SIPA1: variants seen among roughly 807,000 people sequenced by gnomAD.
The protein encoded by SIPA1 is signal-induced proliferation-associated protein 1.
A neutral mutation model predicts 88.1 loss-of-function variants in SIPA1; 51 were observed. That is an observed-to-expected ratio of 0.58 (90% confidence interval 0.46 to 0.73). The LOEUF is 0.73. SIPA1 is among the 30% of genes least tolerant of loss of function. The pLI is 0.00. For missense variants in SIPA1, 1,348 were observed against 1,467.6 expected, an observed-to-expected ratio of 0.92 and a Z score of 1.33; for synonymous variants, 681 against 664.8, an observed-to-expected ratio of 1.02 and a Z score of -0.37.
At position 65,638,146 on chromosome 11, in the gene SIPA1, C is replaced by T. The variant is rs1401835507; in HGVS notation, c.-128C>T. ...TAGCGGGAGAGCGGCAGCGGGACCC[C>T]AGCGCGGGCGGCGGCGGCTGGGCGG... On this transcript the variant is annotated 5_prime_UTR_variant, in exon 1 of 16. Transcript: ENST00000534313. 1 of 152,516 alleles carries T rather than the reference C, an allele frequency of 6.6e-6. No individual in the cohort carries two copies. The highest frequency in any genetic ancestry group is 2.4e-5 in the African/African-American group (1 of 41,562). The allele number at this position is 152,516 out of a possible 1,614,324, so 9.4% of individuals were successfully genotyped here.
Position 65,647,640 on chromosome 11 carries a change from A to G in SIPA1, c.2288A>G (p.Glu763Gly). The G allele has an allele frequency of 7.2e-7, 1 of 1,383,898 alleles. No homozygotes were observed. Among genetic ancestry groups the G allele is most frequent in the Non-Finnish European group, 9.3e-7 (1 of 1,071,542 alleles). 85.7% of individuals were successfully genotyped at this position (1,383,898 alleles called of 1,614,324 possible). Residue 763 changes from glutamate (E) to glycine (G), a missense_variant, in exon 9 of 16, where the codon GAG (glutamate) becomes GGG (glycine). Physicochemically the swap from Glu to Gly is moderately conservative, Grantham distance 98 (BLOSUM62 -2). This residue lies in a region of SIPA1 where 615 missense variants were observed against 559.8 expected (regional missense o/e 1.10). Coordinates refer to ENST00000534313, the MANE Select transcript of SIPA1 (RefSeq NM_006747.4). ...TGCGTCACCGTCCTGCCCCCCGACG[A>G]GAGCGGCCGGCCCCGCAGGTCAGGG... The part of the protein sequence containing the change: ...KVCVTVLPPD[E>G]SGRPRRSFSE...
In SIPA1 at chr11:65,646,544, C is replaced by T. The variant is rs533075532; in HGVS notation, c.1510C>T (p.Arg504Trp). The T allele has an allele frequency of 4.5e-6, 7 of 1,556,598 alleles. No individual in the cohort carries two copies. In the Admixed American group the frequency reaches 9.2e-5, roughly 21 times the overall value. The change falls in exon 8 of 16, where the codon CGG (arginine) becomes TGG (tryptophan). Residue 504 changes from arginine to tryptophan, a missense_variant. Physicochemically the swap from Arg to Trp is moderately radical, Grantham distance 101. Transcript: ENST00000534313. The surrounding 1 kb of genome is among the most constrained non-coding windows in gnomAD (Gnocchi z 7.5). The stretch of plus-strand genomic sequence containing the variant: ...CCCCTTCGCAGCCAACGCCGACTTC[C>T]GGGCCTTCCTGCTGGCCAAAGCGCT... ...GGPFAANADF[R>W]AFLLAKALNG...
intron 9 of SIPA1, among the ~76,000 whole-genome samples, 168 bp downstream of exon 9, chr11:65,647,826 C>G (rs1856163942): frequency 7.1e-6 from 1 of 140,266 alleles, no homozygotes; most frequent in Non-Finnish European, 1.5e-5. Flanking sequence ...CTTCCTGTCT[C>G]TGTCTCTCTC....
Position 65,641,427 on chromosome 11 carries a change from T to C in SIPA1, c.506T>C (p.Leu169Pro). 1 of 1,612,624 alleles carries C rather than the reference T, an allele frequency of 6.2e-7. No homozygotes were observed. Among genetic ancestry groups the C allele is most frequent in the Non-Finnish European group, 8.5e-7 (1 of 1,179,928 alleles). Reference sequence around the variant, plus strand: ...GGGGCACCTGGCTTTGTGTGTGAGCTCGGGGGTGAGGGTGAGCTAGGCCTG... The same window carrying C: ...GGGGCACCTGGCTTTGTGTGTGAGCCCGGGGGTGAGGGTGAGCTAGGCCTG... ...LHGAPGFVCE[L>P]GGEGELGLGG... Residue 169 changes from leucine (L) to proline (P), a missense_variant, in exon 2 of 16, where the codon CTC becomes CCC. By Grantham distance (98) the Leu-to-Pro change is moderately conservative (BLOSUM62 -3). Around this residue, in one of 4 missense-constraint regions of SIPA1, gnomAD observed 641 missense variants for 797.7 expected, o/e 0.80. Transcript: ENST00000534313.
Position 65,646,475 on chromosome 11 carries a change from C to A in SIPA1, c.1441C>A (p.Gln481Lys). 2 of 1,584,124 alleles carry A rather than the reference C, an allele frequency of 1.3e-6. No individual in the cohort carries two copies. The highest frequency in any genetic ancestry group is 2.3e-5 in the East Asian group (1 of 43,916). The change falls in exon 8 of 16, where the codon CAG becomes AAG. Residue 481 changes from glutamine to lysine, a missense_variant. Physicochemically the swap from Gln to Lys is moderately conservative, Grantham distance 53 (BLOSUM62 1). Around this residue, in one of 4 missense-constraint regions of SIPA1, gnomAD observed 641 missense variants for 797.7 expected, o/e 0.80. Coordinates refer to ENST00000534313, the MANE Select transcript of SIPA1 (RefSeq NM_006747.4). This position sits in a 1 kb window ranked among gnomAD's most constrained non-coding sequence, Gnocchi z 7.5. ...CCGCAGGGTGGCCGTGAGCCGCACC[C>A]AGGACACCCCTGCCTTCGGGCCAGC... ...TTYRVAVSRT[Q>K]DTPAFGPALP... is the part of the protein sequence containing the mutation.
In SIPA1 at chr11:65,650,740, T is replaced by C. The variant is rs1406133272; in HGVS notation, c.*25T>C. 10 of 1,536,936 alleles carry C rather than the reference T, an allele frequency of 6.5e-6. No individual in the cohort carries two copies. The highest frequency in any genetic ancestry group is 2.4e-5 in the South Asian group (2 of 82,574). ...AGCCGTCTGGAACCACCTGGGCCCC[T>C]GAGGGCACTGTGGTCACACTGGGCC... On this transcript the variant is annotated 3_prime_UTR_variant, in exon 16 of 16. Coordinates refer to ENST00000534313, the MANE Select transcript of SIPA1 (RefSeq NM_006747.4).
Position 65,650,787 on chromosome 11 carries a change from G to A in SIPA1, c.*72G>A, listed in dbSNP as rs976572800. On this transcript the variant is annotated 3_prime_UTR_variant, in exon 16 of 16. Transcript: ENST00000534313. ...GGCCCTCCTCAGGAACTCTCCCTGC[G>A]CAGAGGCGTGTCTTAGCACTGCCCC... 29 of 1,433,564 alleles carry A rather than the reference G, an allele frequency of 2.0e-5. No homozygotes were observed. The highest frequency in any genetic ancestry group is 2.0e-4 in the Middle Eastern group (1 of 4,934). The allele number at this position is 1,433,564 out of a possible 1,614,324, so 88.8% of individuals were successfully genotyped here.
intron 5 of SIPA1, 52 bp downstream of exon 5, chr11:65,645,181 G>A (rs761115294): frequency 6.5e-7 from 1 of 1,538,256 alleles, no homozygotes; most frequent in Non-Finnish European, 8.9e-7. Flanking sequence ...GAAGGGGTGA[G>A]CACAAATTGC....
intron 8 of SIPA1, 32 bp downstream of exon 8, chr11:65,647,097 G>A: frequency 6.8e-6 from 10 of 1,465,120 alleles, no homozygotes; most frequent in Non-Finnish European, 9.0e-6. Context: ...GGGCCCCTGC[G>A]CGCGGCGGGG....
At chr11:65,644,623 C>A (rs1856071298) in intron 4 of SIPA1, among the ~76,000 whole-genome samples, 1 of 150,696 alleles carries the variant, frequency 6.6e-6, no homozygotes, top group African/African-American at 2.4e-5. Flanking sequence ...CCTGCAGGGG[C>A]TGGGGTGGGG....
rs201591213 is a variant in SIPA1 at position 65,649,591 on chromosome 11, C to T, written c.2556C>T (p.Pro852=). Residue 852 remains proline (P), a synonymous_variant, in exon 11 of 16, where the codon CCC becomes CCT. Transcript: ENST00000534313. ...SSLSDEAPVL[P]NTTPDLLLAT... Reference sequence around the variant, plus strand: ...TGTCGGATGAGGCCCCAGTCCTGCCCAACACCACCCCGGACCTCCTCCTGG... The same window carrying T: ...TGTCGGATGAGGCCCCAGTCCTGCCTAACACCACCCCGGACCTCCTCCTGG... 2.5e-6 allele frequency: 4 copies of T among 1,613,986 alleles called. No homozygotes were observed. Among genetic ancestry groups the T allele is most frequent in the Non-Finnish European group, 3.4e-6 (4 of 1,180,022 alleles).
At chr11:65,645,429 C>T (rs1856092463) in intron 5 of SIPA1, among the ~76,000 whole-genome samples, 1 of 152,080 alleles carries the variant, frequency 6.6e-6, no homozygotes, top group South Asian at 2.1e-4. Context: ...GGTGCCCCTA[C>T]CTCCCTGGTG....
Position 65,647,372 on chromosome 11 carries a change from C to T in SIPA1, c.2032-12C>T. 7.1e-7 allele frequency: 1 copy of T among 1,417,232 alleles called. No homozygotes were observed. The highest frequency in any genetic ancestry group is 9.1e-7 in the Non-Finnish European group (1 of 1,095,148). 87.8% of individuals were successfully genotyped at this position (1,417,232 alleles called of 1,614,324 possible). Reference sequence around the variant, plus strand: ...CCGGCAGCCCCGCCCACTCGTCCCGCCCCGTCCGCAGCTGGTGAGCCGTGG... The same window carrying T: ...CCGGCAGCCCCGCCCACTCGTCCCGTCCCGTCCGCAGCTGGTGAGCCGTGG... On this transcript the variant is annotated splice_polypyrimidine_tract_variant and intron_variant, in intron 8 of 15. Transcript: ENST00000534313.
chr11:65,640,489 T>C (rs1855979080), intron 1 of SIPA1, among the ~76,000 whole-genome samples: 1 of 152,202 alleles, frequency 6.6e-6, no homozygotes, highest in Non-Finnish European at 1.5e-5. Context: ...AAGTCATCTG[T>C]CCGGTTGGGC....
chr11:65,646,024 C>A lies in SIPA1; in HGVS notation c.1263+67C>A. The A allele has an allele frequency of 1.5e-6, 2 of 1,360,796 alleles. No individual in the cohort carries two copies. Among genetic ancestry groups the A allele is most frequent in the Non-Finnish European group, 2.1e-6 (2 of 972,624 alleles). 84.3% of individuals were successfully genotyped at this position (1,360,796 alleles called of 1,614,324 possible). A position where few individuals can be genotyped will look rare whatever the true frequency, so the allele number is the denominator to read the frequency against. ...ATGGAGGGCCCTGCATGGCCCATGA[C>A]GTTTGAGCTTTGGCCGGAGCTCTGT... On this transcript the variant is annotated intron_variant, in intron 6 of 15. Coordinates refer to ENST00000534313, the MANE Select transcript of SIPA1 (RefSeq NM_006747.4). The surrounding 1 kb of genome is among the most constrained non-coding windows in gnomAD (Gnocchi z 7.5).
At chr11:65,644,194 T>G (rs866725577) in intron 4 of SIPA1, among the ~76,000 whole-genome samples, 11 of 150,612 alleles carry the variant, frequency 7.3e-5, no homozygotes, top group Middle Eastern at 3.4e-3. Flanking sequence ...GGTAGGCCGG[T>G]CTGAATGGGA....
Position 65,648,552 on chromosome 11 carries a change from G to T in SIPA1, c.2307-710G>T, listed in dbSNP as rs529159717. On this transcript the variant is annotated intron_variant, in intron 9 of 15. Transcript: ENST00000534313. ...CCACTAGTTAAAAATGTAAAATCCGGACCGGGCGCGGTGGCTCATGCTTGT... is the reference window on the plus strand; with the variant it reads ...CCACTAGTTAAAAATGTAAAATCCGTACCGGGCGCGGTGGCTCATGCTTGT... 5.9e-5 allele frequency among the ~76,000 whole-genome samples: 9 copies of T among 152,136 alleles called. No homozygotes were observed. The South Asian group carries it at 1.9e-3, about 32-fold the overall frequency.
In SIPA1 at chr11:65,647,647, C is replaced by T; in HGVS notation, c.2295C>T (p.Gly765=). 2.9e-6 allele frequency: 4 copies of T among 1,372,640 alleles called. No homozygotes were observed. The South Asian group carries it at 4.6e-5, about 16-fold the overall frequency. The allele number at this position is 1,372,640 out of a possible 1,614,324, so 85.0% of individuals were successfully genotyped here. A position where few individuals can be genotyped will look rare whatever the true frequency, so the allele number is the denominator to read the frequency against. ...CVTVLPPDES[G]RPRRSFSELY... is the part of the protein sequence containing the mutation. Reference sequence around the variant, plus strand: ...CCGTCCTGCCCCCCGACGAGAGCGGCCGGCCCCGCAGGTCAGGGTGCCGGG... The same window carrying T: ...CCGTCCTGCCCCCCGACGAGAGCGGTCGGCCCCGCAGGTCAGGGTGCCGGG... The change falls in exon 9 of 16, where the codon GGC becomes GGT. Residue 765 remains glycine (G), a synonymous_variant. Coordinates refer to ENST00000534313, the MANE Select transcript of SIPA1 (RefSeq NM_006747.4).
intron 1 of SIPA1, chr11:65,640,032 G>A (rs568528883): frequency 1.3e-5 from 2 of 152,406 alleles, no homozygotes; most frequent in East Asian, 3.8e-4. Context: ...GTAGGCAGAG[G>A]TCCCTATGGG....
Sources: allele counts gnomAD v4.1 joint callset (sites outside exome capture counted in the v4.1 genomes callset), GRCh38; gene constraint gnomAD v4.1.1; regional missense constraint gnomAD v4.1.1; non-coding constraint Gnocchi (gnomAD v3.1); transcripts MANE v1.5; gene names NCBI Gene and HGNC (gene_info 2026-07-23, HGNC 2026-07-21).